EPHX4: variants seen among roughly 807,000 people sequenced by gnomAD.
The protein encoded by EPHX4 is abhydrolase domain containing 7.
In EPHX4, 31 loss-of-function variants were observed where a neutral mutation model predicts 44.9. The observed-to-expected ratio is 0.69, with a 90% CI of 0.52 to 0.93. EPHX4 has a LOEUF of 0.93. EPHX4 is among the 40% of genes least tolerant of loss of function. The probability of loss-of-function intolerance (pLI) is 0.00; values close to 1 mark genes in which losing one functional copy is unlikely to be tolerated. For missense variants in EPHX4, 373 were observed against 438.1 expected (o/e 0.85, Z 1.33); for synonymous variants, 151 against 159.7 (o/e 0.95, Z 0.41).
chr1:92,058,727 T>G (rs1401982227), intron 6 of EPHX4, among the ~76,000 whole-genome samples: 1 of 152,068 alleles, frequency 6.6e-6, no homozygotes, highest in African/African-American at 2.4e-5. Context: ...GCACTGGTTA[T>G]TTGCACCTGG....
intron 2 of EPHX4, among the ~76,000 whole-genome samples, chr1:92,041,324 TC>T (rs1360802970): frequency 1.3e-5 from 2 of 152,230 alleles, no homozygotes; most frequent in Non-Finnish European, 2.9e-5. Context: ...CAGAGGTTTA[TC>T]TTAAATGGTT....
In EPHX4 at chr1:92,063,040, A is replaced by G. The variant is rs370009736; in HGVS notation, c.858-15A>G. On this transcript the variant is annotated splice_polypyrimidine_tract_variant and intron_variant, in intron 6 of 6. Coordinates refer to ENST00000370383, the MANE Select transcript of EPHX4 (RefSeq NM_173567.5). The stretch of plus-strand genomic sequence containing the variant: ...TTGACAGTGAATCTCAAGCCCATGT[A>G]TTTTGTTTTTATAGCTGCCTGCCTC... The G allele has an allele frequency of 1.8e-5, 28 of 1,598,162 alleles. No homozygotes were observed. The highest frequency in any genetic ancestry group is 2.7e-5 in the African/African-American group (2 of 74,468).
At chr1:92,030,377 G>A (rs542576596) in intron 1 of EPHX4, 67 bp downstream of exon 1, 69 of 1,369,846 alleles carry the variant, frequency 5.0e-5, no homozygotes, top group Admixed American at 2.3e-4. Context: ...GGGGGGCTCC[G>A]GGCTTCTCCT....
At chr1:92,060,926 A>G (rs1375170195) in intron 6 of EPHX4, among the ~76,000 whole-genome samples, 1 of 150,622 alleles carries the variant, frequency 6.6e-6, no homozygotes, top group African/African-American at 2.4e-5. Context: ...TGTTCCCCAG[A>G]CTGGAGTGCA....
chr1:92,063,324 C>G lies in EPHX4; in HGVS notation c.*38C>G. The G allele has an allele frequency of 7.2e-7, 1 of 1,393,848 alleles. No individual in the cohort carries two copies. Among genetic ancestry groups the G allele is most frequent in the South Asian group, 1.6e-5 (1 of 64,024 alleles). 86.3% of individuals were successfully genotyped at this position (1,393,848 alleles called of 1,614,324 possible). ...TTCTATGAAGGGTCTGTAATGAAAT[C>G]TCTAAATAATTTTTAAAAATTGTTC... On this transcript the variant is annotated 3_prime_UTR_variant, in exon 7 of 7. Transcript: ENST00000370383.
intron 2 of EPHX4, among the ~76,000 whole-genome samples, chr1:92,036,899 A>G (rs1157650373): frequency 6.6e-6 from 1 of 152,160 alleles, no homozygotes; most frequent in Non-Finnish European, 1.5e-5. Flanking sequence ...AATCAATCAA[A>G]TTGCCACTGT....
At chr1:92,037,894 A>G (rs1688463307) in intron 2 of EPHX4, among the ~76,000 whole-genome samples, 1 of 152,218 alleles carries the variant, frequency 6.6e-6, no homozygotes, top group African/African-American at 2.4e-5. Context: ...TCATTCCTGT[A>G]TCAAGGAGAT....
At chr1:92,049,955 C>T (rs1010479319) in intron 4 of EPHX4, among the ~76,000 whole-genome samples, 2 of 151,790 alleles carry the variant, frequency 1.3e-5, no homozygotes, top group Admixed American at 6.6e-5. Flanking sequence ...AAAAATTAGC[C>T]GGGCTCGGTG....
In EPHX4 at chr1:92,030,237, G is replaced by A. The variant is rs1166747983; in HGVS notation, c.158G>A (p.Arg53Gln). 1 of 1,603,184 alleles carries A rather than the reference G, an allele frequency of 6.2e-7. No individual in the cohort carries two copies. The highest frequency in any genetic ancestry group is 1.7e-5 in the Admixed American group (1 of 59,058). The change falls in exon 1 of 7, where the codon CGG becomes CAG. Residue 53 changes from arginine (R) to glutamine (Q), a missense_variant. Arg to Gln is a conservative substitution (Grantham distance 43). Transcript: ENST00000370383. ...LGKGPAQTFR[R>Q]PAREHPPACL... ...AAGGGGCCGGCGCAGACCTTCCGGCGGCCCGCCCGGGAGCACCCTCCCGCG... is the reference window on the plus strand; with the variant it reads ...AAGGGGCCGGCGCAGACCTTCCGGCAGCCCGCCCGGGAGCACCCTCCCGCG...
At chr1:92,034,394 T>A (rs187675220) in intron 2 of EPHX4, among the ~76,000 whole-genome samples, 2 of 150,814 alleles carry the variant, frequency 1.3e-5, no homozygotes, top group Admixed American at 1.3e-4. Flanking sequence ...GTTCATAAAC[T>A]AAATAGGTCA....
chr1:92,049,743 C>G (rs1055785959), intron 4 of EPHX4, among the ~76,000 whole-genome samples: 2 of 152,096 alleles, frequency 1.3e-5, no homozygotes, highest in Non-Finnish European at 2.9e-5. Context: ...GGAAAAGCAG[C>G]GTTGTTTGGG....
intron 3 of EPHX4, among the ~76,000 whole-genome samples, chr1:92,044,178 G>A (rs992444136): frequency 6.6e-6 from 1 of 152,118 alleles, no homozygotes; most frequent in Non-Finnish European, 1.5e-5. Context: ...AATCTAATGA[G>A]AGCATGGATC....
intron 1 of EPHX4, among the ~76,000 whole-genome samples, chr1:92,031,768 C>T (rs1210490700): frequency 6.6e-6 from 1 of 152,056 alleles, no homozygotes; most frequent in African/African-American, 2.4e-5. Context: ...ATTCAGCCTG[C>T]TTAGTATTTG....
At chr1:92,032,302 G>T (rs1299055235) in intron 1 of EPHX4, among the ~76,000 whole-genome samples, 2 of 152,106 alleles carry the variant, frequency 1.3e-5, no homozygotes, top group Non-Finnish European at 2.9e-5. Context: ...CATGGGGTTT[G>T]CTTTTCTTTT....
intron 6 of EPHX4, among the ~76,000 whole-genome samples, chr1:92,054,734 G>A (rs1647327569): frequency 6.6e-6 from 1 of 151,780 alleles, no homozygotes; most frequent in Non-Finnish European, 1.5e-5. Context: ...TAAAAAATAT[G>A]AGAAAAGAAT....
At chr1:92,038,291 G>T (rs77017674) in intron 2 of EPHX4, among the ~76,000 whole-genome samples, 8,980 of 152,186 alleles carry the variant, frequency 0.059, 306 homozygotes, top group Non-Finnish European at 0.084. Flanking sequence ...TGAAGACACG[G>T]ACCCTTAAGG....
chr1:92,032,632 G>A (rs527541402), intron 2 of EPHX4, 42 bp downstream of exon 2: 10 of 1,525,636 alleles, frequency 6.6e-6, no homozygotes, highest in Middle Eastern at 1.7e-4. Flanking sequence ...TTAAAACTTG[G>A]CTTATTTTCT....
At chr1:92,039,331 T>C (rs1436786868) in intron 2 of EPHX4, among the ~76,000 whole-genome samples, 1 of 152,218 alleles carries the variant, frequency 6.6e-6, no homozygotes, top group East Asian at 1.9e-4. Context: ...AGCAATAGGC[T>C]GCTGCCTAAA....
chr1:92,044,543 G>A (rs990071193), intron 3 of EPHX4, among the ~76,000 whole-genome samples: 2 of 152,148 alleles, frequency 1.3e-5, no homozygotes, highest in African/African-American at 4.8e-5. Context: ...AAATCCTGTA[G>A]GAATCTCTAT....
Sources: allele counts gnomAD v4.1 joint callset (sites outside exome capture counted in the v4.1 genomes callset), GRCh38; gene constraint gnomAD v4.1.1; transcripts MANE v1.5; gene names NCBI Gene and HGNC (gene_info 2026-07-23, HGNC 2026-07-21).